Variants in TRHDE observed in about 807,000 individuals in gnomAD.
TRHDE encodes the protein thyrotropin-releasing hormone-degrading ectoenzyme.
TRHDE carries 72 observed loss-of-function variants against 125.7 expected under a neutral mutation model. The observed-to-expected ratio is 0.57, with a 90% CI of 0.47 to 0.70. The LOEUF (loss-of-function observed/expected upper bound fraction) is 0.70, where lower values mean the gene tolerates loss of function less well. TRHDE is among the 30% of genes least tolerant of loss of function. The pLI is 0.00. For synonymous variants in TRHDE, 509 were observed against 509.1 expected (o/e 1.00, Z 0.00); for missense variants, 1,110 against 1,327.1 (o/e 0.84, Z 2.54).
At chr12:72,532,167 T>C (rs1868589494) in intron 6 of TRHDE, among the ~76,000 whole-genome samples, 1 of 151,966 alleles carries the variant, frequency 6.6e-6, no homozygotes. Context: ...TTGTTTTGTT[T>C]TATAATATTT....
In TRHDE at chr12:72,275,676, T is replaced by C. The variant is rs1341654337; in HGVS notation, c.914+2119T>C. Among the ~76,000 whole-genome samples, 5 of 152,200 alleles carry C rather than the reference T, an allele frequency of 3.3e-5. No individual in the cohort carries two copies. In the East Asian group the frequency reaches 5.8e-4, roughly 18 times the overall value. On this transcript the variant is annotated intron_variant, in intron 1 of 18. Coordinates refer to ENST00000261180, the MANE Select transcript of TRHDE (RefSeq NM_013381.3). ...TTTTTTGAGCCATGCCAAAATATGT[T>C]TGGCAGAACTGAGCTTGTTTTGGTC...
intron 12 of TRHDE, chr12:72,611,121 C>T (rs1872617132): frequency 5.8e-6 from 1 of 171,572 alleles, no homozygotes. Flanking sequence ...ACAAAGTCAC[C>T]ACTGAGCAAT....
chr12:72,430,306 T>TAC (rs1874392395), intron 3 of TRHDE, among the ~76,000 whole-genome samples: 1 of 144,700 alleles, frequency 6.9e-6, no homozygotes, highest in Non-Finnish European at 1.5e-5. Flanking sequence ...TATGTATATA[T>TAC]ATGTATATAT....
At chr12:72,441,864 A>T (rs1875031481) in intron 3 of TRHDE, among the ~76,000 whole-genome samples, 1 of 151,912 alleles carries the variant, frequency 6.6e-6, no homozygotes, top group Non-Finnish European at 1.5e-5. Flanking sequence ...TAAATGAATA[A>T]GTTGATTTGG....
chr12:72,258,790 T>A (rs1878877054), intron 2 of TRHDE, among the ~76,000 whole-genome samples: 1 of 152,188 alleles, frequency 6.6e-6, no homozygotes, highest in Non-Finnish European at 1.5e-5. Flanking sequence ...GGCCTTGACA[T>A]TTTCCAAGGT....
At chr12:72,281,061 A>C (rs1205334116) in intron 1 of TRHDE, among the ~76,000 whole-genome samples, 1 of 152,218 alleles carries the variant, frequency 6.6e-6, no homozygotes, top group African/African-American at 2.4e-5. Context: ...TTAGTACATA[A>C]ATGGTGAAAC....
At chr12:72,498,497 A>G (rs1878011241) in intron 5 of TRHDE, among the ~76,000 whole-genome samples, 1 of 152,132 alleles carries the variant, frequency 6.6e-6, no homozygotes, top group Non-Finnish European at 1.5e-5. Context: ...TAATCTCTGT[A>G]ATGATACTCC....
At chr12:72,136,295 G>A (rs1408162123) in intron 2 of TRHDE, among the ~76,000 whole-genome samples, 1 of 152,132 alleles carries the variant, frequency 6.6e-6, no homozygotes, top group Non-Finnish European at 1.5e-5. Flanking sequence ...CCTCTGAATT[G>A]CATATTGGTG....
intron 12 of TRHDE, among the ~76,000 whole-genome samples, chr12:72,584,880 T>G (rs1010492545): frequency 1.3e-5 from 2 of 152,246 alleles, no homozygotes; most frequent in African/African-American, 4.8e-5. Context: ...AGATATCTCT[T>G]TGACAGAAAC....
At chr12:72,157,376 G>A (rs1440065179) in intron 2 of TRHDE, among the ~76,000 whole-genome samples, 1 of 152,164 alleles carries the variant, frequency 6.6e-6, no homozygotes, top group Non-Finnish European at 1.5e-5. Flanking sequence ...GTTTTAGGAA[G>A]ATCATCTTAG....
At chr12:72,304,983 G>C (rs1309435730) in intron 2 of TRHDE, among the ~76,000 whole-genome samples, 3 of 152,084 alleles carry the variant, frequency 2.0e-5, no homozygotes, top group African/African-American at 7.2e-5. Context: ...ATCTTATCTT[G>C]TGGTTAAAGA....
intron 7 of TRHDE, among the ~76,000 whole-genome samples, chr12:72,555,630 C>T (rs1353558975): frequency 2.6e-5 from 4 of 152,114 alleles, no homozygotes; most frequent in East Asian, 1.9e-4. Flanking sequence ...TCCACATAGA[C>T]ACCTTGGTCT....
chr12:72,652,231 C>A, intron 15 of TRHDE, 91 bp from the exon 16 acceptor site: 1 of 875,240 alleles, frequency 1.1e-6, no homozygotes, highest in Non-Finnish European at 1.6e-6. Flanking sequence ...TTTTAAAAAA[C>A]TGACTGTAGT....
intron 2 of TRHDE, among the ~76,000 whole-genome samples, chr12:72,206,663 T>TTAAAGGGAAAA: frequency 6.6e-6 from 1 of 152,192 alleles, no homozygotes; most frequent in Non-Finnish European, 1.5e-5. Flanking sequence ...CTGTGTTTCA[T>TTAAAGGGAAAA]TATTATCCCT....
chr12:72,406,154 C>T (rs1377738284), intron 3 of TRHDE, among the ~76,000 whole-genome samples: 3 of 152,244 alleles, frequency 2.0e-5, no homozygotes, highest in African/African-American at 7.2e-5. Context: ...ACTGTGTTTA[C>T]AAAGCTCATA....
chr12:72,265,878 G>A (rs1305353773), intron 2 of TRHDE, among the ~76,000 whole-genome samples: 3 of 151,586 alleles, frequency 2.0e-5, no homozygotes, highest in Non-Finnish European at 4.4e-5. Flanking sequence ...TTCAAAATTA[G>A]CTTTTAAAAT....
chr12:72,384,333 T>A (rs1592407272), intron 3 of TRHDE, among the ~76,000 whole-genome samples: 2 of 152,304 alleles, frequency 1.3e-5, no homozygotes, highest in Non-Finnish European at 2.9e-5. Context: ...CCCAGGTGTT[T>A]TGTAACTAGA....
At chr12:72,309,481 T>C (rs529590120) in intron 2 of TRHDE, among the ~76,000 whole-genome samples, 56 of 151,844 alleles carry the variant, frequency 3.7e-4, no homozygotes, top group Middle Eastern at 3.4e-3. Flanking sequence ...AAAAGCACAA[T>C]TGGGGAATAA....
intron 18 of TRHDE, among the ~76,000 whole-genome samples, chr12:72,657,657 A>C (rs966899066): frequency 1.3e-5 from 2 of 151,974 alleles, no homozygotes; most frequent in African/African-American, 4.8e-5. Flanking sequence ...TTTCCTTACT[A>C]TGTTGTTTCT....
Sources: gnomAD v4.1 joint callset for allele counts (sites outside exome capture counted in the v4.1 genomes callset) on GRCh38, gnomAD v4.1.1 for gene constraint, MANE v1.5 for transcripts, NCBI Gene and HGNC (gene_info 2026-07-23, HGNC 2026-07-21) for gene names.